STK32B: variants seen among roughly 807,000 people sequenced by gnomAD.
The protein encoded by STK32B is serine/threonine-protein kinase 32B.
In STK32B, 43 loss-of-function variants were observed where a neutral mutation model predicts 52.6. The ratio of observed to expected loss-of-function variants is 0.82; its 90% confidence interval spans 0.64 to 1.05. The LOEUF (loss-of-function observed/expected upper bound fraction) is 1.05, where lower values mean the gene tolerates loss of function less well. Ranked by LOEUF, STK32B falls within the 50% of genes least tolerant of loss-of-function variation. The pLI is 0.00. For synonymous variants in STK32B, 238 were observed against 204.3 expected (o/e 1.17, Z -1.41); for missense variants, 621 against 534.6 (o/e 1.16, Z -1.59).
intron 3 of STK32B, among the ~76,000 whole-genome samples, chr4:5,221,218 G>A (rs1217505730): frequency 6.6e-6 from 1 of 152,122 alleles, no homozygotes; most frequent in Non-Finnish European, 1.5e-5. Context: ...ATCCACTTCT[G>A]GAAGGCGGTA....
At chr4:5,049,818 T>C (rs761493125), upstream of STK32B, among the ~76,000 whole-genome samples, 1 of 152,100 alleles carries the variant, frequency 6.6e-6, no homozygotes, top group Non-Finnish European at 1.5e-5. Flanking sequence ...AACTCTTGAC[T>C]TCAGGTGATC....
intron 3 of STK32B, among the ~76,000 whole-genome samples, chr4:5,266,285 T>C (rs770107492): frequency 1.3e-5 from 2 of 152,220 alleles, no homozygotes; most frequent in Non-Finnish European, 1.5e-5. Context: ...GAAATCAACT[T>C]TTTAAGATAG....
At chr4:5,142,917 AG>A in intron 2 of STK32B, among the ~76,000 whole-genome samples, 1 of 152,162 alleles carries the variant, frequency 6.6e-6, no homozygotes, top group Non-Finnish European at 1.5e-5. Context: ...TAGGAGAAAA[AG>A]GCTGACTTCC....
chr4:5,063,748 T>G (rs1742305106), intron 1 of STK32B, among the ~76,000 whole-genome samples: 2 of 152,232 alleles, frequency 1.3e-5, no homozygotes, highest in Non-Finnish European at 2.9e-5. Flanking sequence ...CTGGGTTAGC[T>G]ACAATTAAAG....
intron 11 of STK32B, among the ~76,000 whole-genome samples, chr4:5,476,286 G>A (rs536798959): frequency 6.2e-4 from 94 of 152,158 alleles, no homozygotes; most frequent in African/African-American, 1.9e-3. Context: ...GCTAGAGTGG[G>A]GATTCCACAC....
At chr4:5,466,575 C>G (rs1401006109) in intron 9 of STK32B, 128 bp from the exon 10 acceptor site, 4 of 1,233,734 alleles carry the variant, frequency 3.2e-6, no homozygotes, top group Non-Finnish European at 4.4e-6. Context: ...ACAAAGGTAA[C>G]CCGTGTATCC....
At chr4:5,128,060 G>A (rs1715517579) in intron 1 of STK32B, among the ~76,000 whole-genome samples, 1 of 152,126 alleles carries the variant, frequency 6.6e-6, no homozygotes, top group Non-Finnish European at 1.5e-5. Context: ...ATTACCCAGT[G>A]TCAGGTATAT....
chr4:5,453,460 C>T lies in STK32B; in HGVS notation c.667-3347C>T, dbSNP rs1716193702. Among the ~76,000 whole-genome samples, 1 of 152,140 alleles carries T rather than the reference C, an allele frequency of 6.6e-6. No individual in the cohort carries two copies. The highest frequency in any genetic ancestry group is 1.9e-4 in the East Asian group (1 of 5,174). On this transcript the variant is annotated intron_variant, in intron 7 of 11. Transcript: ENST00000282908. This position sits in a 1 kb window ranked among gnomAD's most constrained non-coding sequence, Gnocchi z 4.0. Reference sequence around the variant, plus strand: ...CATTGGGAAAGTCTCTTTTCATCTCCCAGCCTCAGTTTCCTGACGTTTGAA... The same window carrying T: ...CATTGGGAAAGTCTCTTTTCATCTCTCAGCCTCAGTTTCCTGACGTTTGAA...
At chr4:5,043,349 T>TA in the STK32B span, among the ~76,000 whole-genome samples, 4 of 152,256 alleles carry the variant, frequency 2.6e-5, no homozygotes, top group Non-Finnish European at 4.4e-5. Context: ...CTGGACTCTC[T>TA]ATTTGGAATG....
At chr4:5,319,354 G>T (rs1455180163) in intron 3 of STK32B, among the ~76,000 whole-genome samples, 1 of 152,150 alleles carries the variant, frequency 6.6e-6, no homozygotes, top group African/African-American at 2.4e-5. Flanking sequence ...TGCCTCAACT[G>T]CTCTCCTGCC....
At chr4:5,227,884 G>C (rs1245805212) in intron 3 of STK32B, among the ~76,000 whole-genome samples, 1 of 152,134 alleles carries the variant, frequency 6.6e-6, no homozygotes, top group East Asian at 1.9e-4. Flanking sequence ...TGACTACCTG[G>C]AAAGCAGTTT....
intron 1 of STK32B, among the ~76,000 whole-genome samples, chr4:5,113,933 T>G (rs1019203544): frequency 6.6e-6 from 1 of 152,058 alleles, no homozygotes; most frequent in African/African-American, 2.4e-5. Context: ...CCCGCCCCCC[T>G]TTTTAAAAAC....
At chr4:5,333,038 AT>A in intron 4 of STK32B, among the ~76,000 whole-genome samples, 1 of 152,154 alleles carries the variant, frequency 6.6e-6, no homozygotes, top group Admixed American at 6.5e-5. Context: ...GTCAAATGGT[AT>A]TTCTAGTTCT....
chr4:5,382,632 C>T (rs145556393), intron 4 of STK32B, among the ~76,000 whole-genome samples: 15 of 152,240 alleles, frequency 9.9e-5, no homozygotes, highest in Middle Eastern at 3.4e-3. Flanking sequence ...AGCTTTTATT[C>T]CCAGTCTCAG....
At chr4:5,483,986 C>T (rs1010154609) in intron 11 of STK32B, among the ~76,000 whole-genome samples, 1 of 152,106 alleles carries the variant, frequency 6.6e-6, no homozygotes, top group African/African-American at 2.4e-5. Context: ...TTTACATTTG[C>T]TGAGGAGTGC....
intron 4 of STK32B, among the ~76,000 whole-genome samples, chr4:5,339,709 TTGGGCTTAGG>T (rs763046831): frequency 1.3e-5 from 2 of 152,220 alleles, no homozygotes; most frequent in Non-Finnish European, 2.9e-5. Context: ...TTCCATCTCA[TTGGGCTTAGG>T]TGGGCTACTA....
chr4:5,336,916 A>G (rs940747913), intron 4 of STK32B, among the ~76,000 whole-genome samples: 1 of 152,232 alleles, frequency 6.6e-6, no homozygotes. Flanking sequence ...ATAAGCTTCC[A>G]GAGAAGAGCC....
rs1715379136 is a variant in STK32B, at chr4:5,446,002, T to A, written c.563-671T>A. On this transcript the variant is annotated intron_variant, in intron 6 of 11. Transcript: ENST00000282908. ...TCAAGGTTCTCAACCCCCTGGGGGT[T>A]CTGTTCCTCTTCCTCACTCTGGGTT... Among the ~76,000 whole-genome samples the A allele has an allele frequency of 2.0e-5, 3 of 152,276 alleles. No homozygotes were observed. The South Asian group carries it at 6.2e-4, about 32-fold the overall frequency.
chr4:5,110,186 T>A (rs1457390187), intron 1 of STK32B, among the ~76,000 whole-genome samples: 1 of 147,690 alleles, frequency 6.8e-6, no homozygotes, highest in African/African-American at 2.5e-5. Flanking sequence ...CTCAAAGTGA[T>A]ATACACATGA....
Sources: gnomAD v4.1 joint callset for allele counts (sites outside exome capture counted in the v4.1 genomes callset) on GRCh38, gnomAD v4.1.1 for gene constraint, Gnocchi (gnomAD v3.1) non-coding constraint, MANE v1.5 for transcripts, NCBI Gene and HGNC (gene_info 2026-07-23, HGNC 2026-07-21) for gene names.